LGR6: variants seen among roughly 807,000 people sequenced by gnomAD.
The protein encoded by LGR6 is leucine-rich repeat-containing G protein-coupled receptor 6.
Under a neutral mutation model 69.4 loss-of-function variants are expected in LGR6, and 45 were observed. That is an observed-to-expected ratio of 0.65 (90% CI 0.51 to 0.83). The LOEUF (loss-of-function observed/expected upper bound fraction) is 0.83, where lower values mean the gene tolerates loss of function less well. Ranked by LOEUF, LGR6 falls within the 40% of genes least tolerant of loss-of-function variation. The pLI is 0.00. For missense variants in LGR6, 1,108 were observed against 1,246.7 expected, an observed-to-expected ratio of 0.89 and a Z score of 1.68; for synonymous variants, 538 against 555.0, an observed-to-expected ratio of 0.97 and a Z score of 0.43.
intron 1 of LGR6, among the ~76,000 whole-genome samples, chr1:202,211,725 A>G (rs1376584356): frequency 1.3e-5 from 2 of 152,242 alleles, no homozygotes. Context: ...TCATAAGTGT[A>G]TAGCTTGGTA....
At chr1:202,213,943 G>A (rs1359328629) in intron 1 of LGR6, 1 of 617,820 alleles carries the variant, frequency 1.6e-6, no homozygotes, top group African/African-American at 2.0e-5. Flanking sequence ...AGGACTTCTT[G>A]TTGGGCAGGT....
intron 4 of LGR6, among the ~76,000 whole-genome samples, chr1:202,267,015 G>A (rs563351390): frequency 1.3e-5 from 2 of 152,324 alleles, no homozygotes; most frequent in East Asian, 1.9e-4. Flanking sequence ...TTCATGTCTT[G>A]TGTGGAACGC....
intron 1 of LGR6, among the ~76,000 whole-genome samples, chr1:202,208,744 A>G (rs1659352603): frequency 6.6e-6 from 1 of 152,118 alleles, no homozygotes; most frequent in Admixed American, 6.5e-5. Flanking sequence ...CACCTGCCAG[A>G]AAGCATTAGC....
chr1:202,213,392 G>A (rs142614765), intron 1 of LGR6, among the ~76,000 whole-genome samples: 209 of 152,238 alleles, frequency 1.4e-3, no homozygotes, highest in African/African-American at 4.7e-3. Flanking sequence ...CCTTTCCTTG[G>A]AGAAGGCAAG....
intron 1 of LGR6, among the ~76,000 whole-genome samples, chr1:202,194,891 A>C (rs1658581727): frequency 6.6e-6 from 1 of 152,100 alleles, no homozygotes; most frequent in Admixed American, 6.5e-5. Flanking sequence ...CGAGGCTGAA[A>C]ACCAGAGAAC....
At chr1:202,300,714 TG>T in intron 7 of LGR6, 134 bp from the exon 8 acceptor site, 1 of 551,940 alleles carries the variant, frequency 1.8e-6, no homozygotes, top group East Asian at 2.9e-5. Flanking sequence ...AATCTGAACC[TG>T]GAATCTCCAG....
At chr1:202,264,097 G>T (rs1664455731) in intron 4 of LGR6, among the ~76,000 whole-genome samples, 1 of 151,850 alleles carries the variant, frequency 6.6e-6, no homozygotes, top group Non-Finnish European at 1.5e-5. Flanking sequence ...GGAGGGGAGG[G>T]TTGAAACTAT....
At chr1:202,275,031 AG>A (rs1665428153) in intron 4 of LGR6, among the ~76,000 whole-genome samples, 1 of 152,214 alleles carries the variant, frequency 6.6e-6, no homozygotes, top group Admixed American at 6.5e-5. Context: ...TGAGATGCTC[AG>A]GGAAAAGACA....
Position 202,236,334 on chromosome 1 carries a change from C to T in LGR6, c.428+341C>T, listed in dbSNP as rs1290081434. ...GCCTGGGTTTAGGGGTGGAGACTGC[C>T]GCCCAAAAGAAGCATCAGGAAGGGG... On this transcript the variant is annotated intron_variant, in intron 4 of 17. Transcript: ENST00000367278. The T allele has an allele frequency of 3.9e-5, 12 of 311,582 alleles. No homozygotes were observed. The South Asian group carries it at 4.9e-4, about 13-fold the overall frequency. The allele number at this position is 311,582 out of a possible 1,614,324, so 19.3% of individuals were successfully genotyped here.
At chr1:202,221,734 A>G (rs998337492) in intron 1 of LGR6, among the ~76,000 whole-genome samples, 2 of 152,164 alleles carry the variant, frequency 1.3e-5, no homozygotes, top group Non-Finnish European at 2.9e-5. Flanking sequence ...CAGCTATCCC[A>G]TCCCATGACC....
chr1:202,261,533 G>A (rs535933407), intron 4 of LGR6, among the ~76,000 whole-genome samples: 19 of 152,190 alleles, frequency 1.2e-4, no homozygotes, highest in Middle Eastern at 3.4e-3. Flanking sequence ...GAATAGTGCC[G>A]CAATAAACAT....
In LGR6 at chr1:202,319,324, A is replaced by T. The variant is rs1236472585; in HGVS notation, c.*117A>T. ...ACTCAGCAGTGTGATCTATAGCAGGATGGCCCAGTCCCTGGCTCCACTGAT... is the reference window on the plus strand; with the variant it reads ...ACTCAGCAGTGTGATCTATAGCAGGTTGGCCCAGTCCCTGGCTCCACTGAT... On this transcript the variant is annotated 3_prime_UTR_variant, in exon 18 of 18. Coordinates refer to ENST00000367278, the MANE Select transcript of LGR6 (RefSeq NM_001017403.2). The T allele has an allele frequency of 8.5e-7, 1 of 1,169,796 alleles. No homozygotes were observed. The highest frequency in any genetic ancestry group is 2.6e-5 in the East Asian group (1 of 38,468). 72.5% of individuals were successfully genotyped at this position (1,169,796 alleles called of 1,614,324 possible).
chr1:202,312,187 G>C (rs1390283692), intron 16 of LGR6, among the ~76,000 whole-genome samples: 1 of 152,244 alleles, frequency 6.6e-6, no homozygotes, highest in East Asian at 1.9e-4. Context: ...AATGAGCCTC[G>C]AGAAGGAAAG....
At position 202,194,178 on chromosome 1, in the gene LGR6, C is replaced by A; in HGVS notation, c.189C>A (p.Asp63Glu). Reference sequence around the variant, plus strand: ...TCGGGCTGTCCGCCGTTCCGGGGGACCTGGACCCCCTGACGGCTTACCTGT... The same window carrying A: ...TCGGGCTGTCCGCCGTTCCGGGGGAACTGGACCCCCTGACGGCTTACCTGT... ...SELGLSAVPG[D>E]LDPLTAYLDL... Residue 63 changes from aspartate (D) to glutamate (E), a missense_variant, in exon 1 of 18, where the codon GAC (aspartate) becomes GAA (glutamate). By Grantham distance (45) the Asp-to-Glu change is conservative. Transcript: ENST00000367278. 1 of 1,563,462 alleles carries A rather than the reference C, an allele frequency of 6.4e-7. No individual in the cohort carries two copies.
In LGR6 at chr1:202,193,857, C is replaced by T. The variant is rs1211335916; in HGVS notation, c.-133C>T. On this transcript the variant is annotated 5_prime_UTR_variant, in exon 1 of 18. Coordinates refer to ENST00000367278, the MANE Select transcript of LGR6 (RefSeq NM_001017403.2). ...GTCCCGGCGCTCCCACCGCCGCCGC[C>T]GCCGCCCAATAGAGCCCCTGGGGCG... 5 of 397,058 alleles carry T rather than the reference C, an allele frequency of 1.3e-5. No individual in the cohort carries two copies. Among genetic ancestry groups the T allele is most frequent in the Non-Finnish European group, 2.0e-5 (5 of 249,006 alleles). The allele number at this position is 397,058 out of a possible 1,614,324, so 24.6% of individuals were successfully genotyped here.
At chr1:202,277,452 C>T (rs1442923586) in intron 5 of LGR6, among the ~76,000 whole-genome samples, 10 of 134,794 alleles carry the variant, frequency 7.4e-5, no homozygotes, top group East Asian at 2.5e-4. Context: ...CTGGGAGTCA[C>T]GGGGCAGGGT....
chr1:202,194,706 G>GGGGT (rs1658570259), intron 1 of LGR6: 4 of 210,948 alleles, frequency 1.9e-5, no homozygotes, highest in Non-Finnish European at 4.0e-5. Context: ...TCGTGGGGGC[G>GGGGT]GGGGGGGCGG....
intron 7 of LGR6, among the ~76,000 whole-genome samples, chr1:202,298,931 G>A (rs1182752046): frequency 6.6e-6 from 1 of 151,962 alleles, no homozygotes; most frequent in African/African-American, 2.4e-5. Context: ...AATGCCAGAT[G>A]TAGGCAGCAC....
At chr1:202,280,975 G>C in intron 6 of LGR6, 123 bp downstream of exon 6, 1 of 819,600 alleles carries the variant, frequency 1.2e-6, no homozygotes, top group South Asian at 1.7e-5. Context: ...CTGGCCCCGG[G>C]CTTGTTTACC....
Sources: allele counts gnomAD v4.1 joint callset (sites outside exome capture counted in the v4.1 genomes callset), GRCh38; gene constraint gnomAD v4.1.1; transcripts MANE v1.5; gene names NCBI Gene and HGNC (gene_info 2026-07-23, HGNC 2026-07-21).